EPB41L3: variants seen among roughly 807,000 people sequenced by gnomAD.
EPB41L3 encodes the protein band 4.1-like protein 3.
EPB41L3 carries 57 observed loss-of-function variants against 127.1 expected under a neutral mutation model. The ratio of observed to expected loss-of-function variants is 0.45; its 90% confidence interval spans 0.36 to 0.56. The LOEUF (loss-of-function observed/expected upper bound fraction) is 0.56. Ranked by LOEUF, EPB41L3 falls within the 20% of genes least tolerant of loss-of-function variation. The pLI is 0.00. For synonymous variants in EPB41L3, 572 were observed against 549.5 expected, an observed-to-expected ratio of 1.04 and a Z score of -0.57; for missense variants, 1,273 against 1,372.2, an observed-to-expected ratio of 0.93 and a Z score of 1.14.
Position 5,484,737 on chromosome 18 carries a change from A to G in EPB41L3, c.183+4264T>C, listed in dbSNP as rs193067963. Among the ~76,000 whole-genome samples the G allele has an allele frequency of 1.3e-3, 203 of 152,212 alleles. 3 individuals are homozygous for G. The highest frequency in any genetic ancestry group is 9.5e-3 in the South Asian group (46 of 4,820). On this transcript the variant is annotated intron_variant, in intron 2 of 22. Coordinates refer to ENST00000341928, the MANE Select transcript of EPB41L3 (RefSeq NM_012307.5). ...TATGGCAACAGATTGGAAAACCCAG[A>G]AGAAACGGATAAATTTCTAGACACA... is the stretch of plus-strand genomic sequence containing the variant.
At chr18:5,427,882 A>AAT (rs2078432037) in intron 9 of EPB41L3, among the ~76,000 whole-genome samples, 1 of 151,870 alleles carries the variant, frequency 6.6e-6, no homozygotes, top group African/African-American at 2.4e-5. Context: ...AGTAGCTGGG[A>AAT]ATATAGGCAC....
At chr18:5,538,764 G>A (rs1243125744) in intron 1 of EPB41L3, among the ~76,000 whole-genome samples, 4 of 152,188 alleles carry the variant, frequency 2.6e-5, no homozygotes, top group Non-Finnish European at 1.5e-5. Flanking sequence ...AAAGGAAACC[G>A]ACTCCCTGCA....
chr18:5,505,567 C>T (rs1255745052), intron 1 of EPB41L3, among the ~76,000 whole-genome samples: 6 of 138,762 alleles, frequency 4.3e-5, no homozygotes, highest in Non-Finnish European at 6.2e-5. Flanking sequence ...CTCTTACCCT[C>T]CCCACCATAC....
chr18:5,419,731 C>T lies in EPB41L3; in HGVS notation c.1486G>A (p.Ala496Thr), dbSNP rs930221423. The change falls in exon 12 of 23, where the codon GCC becomes ACC. Residue 496 changes from alanine to threonine, a missense_variant. Ala to Thr is a moderately conservative substitution (Grantham distance 58). This residue lies in a region of EPB41L3 where 765 missense variants were observed against 782.9 expected (regional missense o/e 0.98). Transcript: ENST00000341928. ...TATACCTTTCCCTCGTGCCGGATGGCCGAGATGGGCGTGACTTCTTCCCCC... is the reference window on the plus strand; with the variant it reads ...TATACCTTTCCCTCGTGCCGGATGGTCGAGATGGGCGTGACTTCTTCCCCC... ...RKGEEVTPIS[A>T]IRHEGKSPGL... is the part of the protein sequence containing the mutation. 2 of 1,614,152 alleles carry T rather than the reference C, an allele frequency of 1.2e-6. No individual in the cohort carries two copies. The highest frequency in any genetic ancestry group is 2.7e-5 in the African/African-American group (2 of 75,054).
chr18:5,531,731 CAAAAAAAAAAAAA>C (rs57625472), intron 1 of EPB41L3, among the ~76,000 whole-genome samples: 1 of 67,836 alleles, frequency 1.5e-5, no homozygotes, highest in Non-Finnish European at 3.0e-5. Context: ...GACCCTGTCT[CAAAAAAAAAAAAA>C]AAAAAAAAGG....
intron 8 of EPB41L3, among the ~76,000 whole-genome samples, chr18:5,430,033 T>C (rs4798358): frequency 0.19 from 29,523 of 152,220 alleles, 3,146 homozygotes; most frequent in East Asian, 0.42. Context: ...AGTGTACCTT[T>C]AACCTACTGA....
intron 1 of EPB41L3, among the ~76,000 whole-genome samples, chr18:5,624,634 G>C (rs2094901878): frequency 6.6e-6 from 1 of 152,144 alleles, no homozygotes; most frequent in South Asian, 2.1e-4. Context: ...CTTGACATGG[G>C]ATTGGAACAA....
chr18:5,620,738 T>C (rs2094851420), intron 1 of EPB41L3, among the ~76,000 whole-genome samples: 1 of 152,186 alleles, frequency 6.6e-6, no homozygotes, highest in Non-Finnish European at 1.5e-5. Flanking sequence ...GATATTCCAA[T>C]ATCTAACTAT....
In EPB41L3 at chr18:5,484,254, G is replaced by A. The variant is rs74668005; in HGVS notation, c.183+4747C>T. Among the ~76,000 whole-genome samples the A allele has an allele frequency of 3.3e-5, 5 of 151,008 alleles. No homozygotes were observed. The South Asian group carries it at 1.0e-3, about 31-fold the overall frequency. ...CATGCCCTGAATGACCAACGAGTCAGTGAAGAAACTAAGAAGTTAAAAAAA... is the reference window on the plus strand; with the variant it reads ...CATGCCCTGAATGACCAACGAGTCAATGAAGAAACTAAGAAGTTAAAAAAA... On this transcript the variant is annotated intron_variant, in intron 2 of 22. Coordinates refer to ENST00000341928, the MANE Select transcript of EPB41L3 (RefSeq NM_012307.5).
At chr18:5,418,074 G>A (rs1014366809) in intron 12 of EPB41L3, among the ~76,000 whole-genome samples, 1 of 152,142 alleles carries the variant, frequency 6.6e-6, no homozygotes, top group Admixed American at 6.5e-5. Context: ...TAAAATTAAG[G>A]TTTAACCTTC....
chr18:5,550,627 A>G (rs1210865271), intron 3 of EPB41L3, among the ~76,000 whole-genome samples: 1 of 152,202 alleles, frequency 6.6e-6, no homozygotes, highest in East Asian at 1.9e-4. Context: ...AGAATGTTTA[A>G]GGAGATACCA....
chr18:5,586,866 C>T (rs1220263821), intron 3 of EPB41L3, among the ~76,000 whole-genome samples: 1 of 152,134 alleles, frequency 6.6e-6, no homozygotes, highest in African/African-American at 2.4e-5. Flanking sequence ...GAAAAACAGA[C>T]TCAGTATTTG....
intron 3 of EPB41L3, among the ~76,000 whole-genome samples, chr18:5,558,327 G>A (rs1286978937): frequency 1.3e-5 from 2 of 152,168 alleles, no homozygotes; most frequent in East Asian, 1.9e-4. Flanking sequence ...CAGATATGAG[G>A]ACTTATTGGA....
At chr18:5,469,622 TG>T (rs2085717534) in intron 3 of EPB41L3, among the ~76,000 whole-genome samples, 1 of 152,164 alleles carries the variant, frequency 6.6e-6, no homozygotes, top group South Asian at 2.1e-4. Context: ...CCAATGGGCC[TG>T]AGCAAAAATC....
At chr18:5,603,624 C>T (rs2094613549) in intron 3 of EPB41L3, among the ~76,000 whole-genome samples, 1 of 152,118 alleles carries the variant, frequency 6.6e-6, no homozygotes, top group African/African-American at 2.4e-5. Flanking sequence ...GTGGCTCACG[C>T]CTAATCTCAG....
At chr18:5,414,946 G>A (rs1033025556) in intron 13 of EPB41L3, among the ~76,000 whole-genome samples, 2 of 152,180 alleles carry the variant, frequency 1.3e-5, no homozygotes, top group African/African-American at 4.8e-5. Flanking sequence ...AGGGTCTTTC[G>A]CCCACTATGT....
intron 3 of EPB41L3, among the ~76,000 whole-genome samples, chr18:5,559,658 T>C (rs1472708345): frequency 6.6e-6 from 1 of 152,228 alleles, no homozygotes; most frequent in Non-Finnish European, 1.5e-5. Flanking sequence ...GGATGTTTTT[T>C]ATAAACTCAT....
intron 1 of EPB41L3, chr18:5,540,266 T>C (rs1279601313): frequency 1.2e-6 from 1 of 823,096 alleles, no homozygotes; most frequent in Non-Finnish European, 1.5e-6. Flanking sequence ...AAACGTCTCC[T>C]TCCTTACTCT....
At chr18:5,619,358 T>C (rs1026349851) in intron 1 of EPB41L3, among the ~76,000 whole-genome samples, 1 of 152,224 alleles carries the variant, frequency 6.6e-6, no homozygotes, top group African/African-American at 2.4e-5. Flanking sequence ...CTTTTCTTTT[T>C]TATGTTTTTT....
Sources: allele counts gnomAD v4.1 joint callset (sites outside exome capture counted in the v4.1 genomes callset), GRCh38; gene constraint gnomAD v4.1.1; regional missense constraint gnomAD v4.1.1; transcripts MANE v1.5; gene names NCBI Gene and HGNC (gene_info 2026-07-23, HGNC 2026-07-21).